Variants in TRPC4 observed in about 807,000 individuals in gnomAD.
The protein encoded by TRPC4 is transient receptor potential cation channel subfamily C member 4, also known as short transient receptor potential channel 4.
TRPC4 carries 49 observed loss-of-function variants against 99.4 expected under a neutral mutation model. The observed-to-expected ratio is 0.49, with a 90% CI of 0.39 to 0.63. The LOEUF (loss-of-function observed/expected upper bound fraction) is 0.63, where lower values mean the gene tolerates loss of function less well. Among genes scored for constraint, TRPC4 ranks in the 20% least tolerant of loss-of-function variants. The pLI is 0.00. For synonymous variants in TRPC4, 454 were observed against 425.9 expected (o/e 1.07, Z -0.81); for missense variants, 898 against 1,152.9 (o/e 0.78, Z 3.20).
rs1299307152 is a variant in TRPC4, at chr13:37,637,272, ATTT to A, written c.2562_2564del (p.Gln854_Asn855delinsHis). On this transcript the variant is annotated inframe_deletion, in exon 11 of 11. Coordinates refer to ENST00000379705, the MANE Select transcript of TRPC4 (RefSeq NM_016179.4). ...TTTGGTTTGCATTTTGCTCAGCAGC[ATTT>A]TGTTTTGATCGTCTATGAAATAACC... The A allele has an allele frequency of 6.8e-6, 11 of 1,613,774 alleles. No individual in the cohort carries two copies. The highest frequency in any genetic ancestry group is 9.3e-6 in the Non-Finnish European group (11 of 1,179,878).
At chr13:37,798,308 C>T (rs958550362) in intron 1 of TRPC4, among the ~76,000 whole-genome samples, 1 of 152,090 alleles carries the variant, frequency 6.6e-6, no homozygotes, top group Non-Finnish European at 1.5e-5. Flanking sequence ...TATTTCTCTG[C>T]TTCTTGATGA....
intron 4 of TRPC4, among the ~76,000 whole-genome samples, chr13:37,683,649 C>A (rs1265679253): frequency 6.6e-6 from 1 of 152,066 alleles, no homozygotes; most frequent in Non-Finnish European, 1.5e-5. Flanking sequence ...GCAGGACAAC[C>A]AACCAAGAAA....
At chr13:37,755,971 T>TA (rs1318094918) in intron 2 of TRPC4, among the ~76,000 whole-genome samples, 2 of 152,054 alleles carry the variant, frequency 1.3e-5, no homozygotes, top group Non-Finnish European at 1.5e-5. Flanking sequence ...AAGCAACACT[T>TA]AAAAAAACCC....
At chr13:37,830,570 G>C (rs889446315) in intron 1 of TRPC4, among the ~76,000 whole-genome samples, 2 of 151,380 alleles carry the variant, frequency 1.3e-5, no homozygotes, top group African/African-American at 4.8e-5. Context: ...AAATTAGCCT[G>C]GCATGGTGGT....
intron 1 of TRPC4, among the ~76,000 whole-genome samples, chr13:37,849,557 T>A (rs992016436): frequency 6.6e-6 from 1 of 152,202 alleles, no homozygotes; most frequent in African/African-American, 2.4e-5. Context: ...CCACTGAGTC[T>A]AGAATTTTAT....
intron 1 of TRPC4, among the ~76,000 whole-genome samples, chr13:37,854,618 AG>A (rs1443818325): frequency 6.6e-6 from 1 of 152,090 alleles, no homozygotes; most frequent in East Asian, 1.9e-4. Context: ...AATAAAGCTA[AG>A]TGTGGAGTTT....
At chr13:37,832,939 A>C (rs916694681) in intron 1 of TRPC4, among the ~76,000 whole-genome samples, 1 of 152,134 alleles carries the variant, frequency 6.6e-6, no homozygotes, top group African/African-American at 2.4e-5. Context: ...GTTTTTATTT[A>C]TCCTACTATG....
chr13:37,867,579 A>G (rs1475672039), intron 1 of TRPC4, among the ~76,000 whole-genome samples: 1 of 152,096 alleles, frequency 6.6e-6, no homozygotes, highest in Non-Finnish European at 1.5e-5. Context: ...TCAGATGTTT[A>G]TAACTTTGAA....
intron 1 of TRPC4, among the ~76,000 whole-genome samples, chr13:37,818,562 C>G (rs1376660254): frequency 2.6e-5 from 4 of 152,086 alleles, no homozygotes; most frequent in African/African-American, 9.7e-5. Flanking sequence ...AAATGCTCAT[C>G]AATGATAGAC....
In TRPC4 at chr13:37,746,277, T is replaced by A. The variant is rs1405268245; in HGVS notation, c.557A>T (p.Asp186Val). The change falls in exon 3 of 11, where the codon GAT becomes GTT. Residue 186 changes from aspartate to valine, a missense_variant. Coordinates refer to ENST00000379705, the MANE Select transcript of TRPC4 (RefSeq NM_016179.4). ...CNCVECVSSSDVDSLRHSRSR... is the reference protein window; with the variant it reads ...CNCVECVSSSVVDSLRHSRSR... Reference sequence around the variant, plus strand: ...GCGTGAGTGACGGAGGCTGTCCACATCTGAACTGGACACGCATTCCACACA... The same window carrying A: ...GCGTGAGTGACGGAGGCTGTCCACAACTGAACTGGACACGCATTCCACACA... The A allele has an allele frequency of 1.2e-6, 2 of 1,613,836 alleles. No homozygotes were observed. The highest frequency in any genetic ancestry group is 1.7e-6 in the Non-Finnish European group (2 of 1,179,870).
intron 8 of TRPC4, among the ~76,000 whole-genome samples, chr13:37,647,470 A>G (rs1232290376): frequency 3.3e-5 from 5 of 152,306 alleles, no homozygotes; most frequent in African/African-American, 1.2e-4. Context: ...GCTGAGAACA[A>G]TCAAAAGACA....
intron 1 of TRPC4, among the ~76,000 whole-genome samples, chr13:37,847,765 T>A (rs1593311771): frequency 6.6e-6 from 1 of 152,184 alleles, no homozygotes; most frequent in Middle Eastern, 3.4e-3. Flanking sequence ...TACTGTACGA[T>A]CTCATTTATA....
At position 37,636,716 on chromosome 13, in the gene TRPC4, A is replaced by G; in HGVS notation, c.*187T>C. The G allele has an allele frequency of 1.6e-6, 1 of 625,730 alleles. No homozygotes were observed. The highest frequency in any genetic ancestry group is 2.4e-6 in the Non-Finnish European group (1 of 413,344). The allele number at this position is 625,730 out of a possible 1,614,324, so 38.8% of individuals were successfully genotyped here. On this transcript the variant is annotated 3_prime_UTR_variant, in exon 11 of 11. Coordinates refer to ENST00000379705, the MANE Select transcript of TRPC4 (RefSeq NM_016179.4). Reference sequence around the variant, plus strand: ...TAAGACAAATTGTGAAAGCAAAAGCAGGCTACAAAACAAAAAGGTTTTTGA... The same window carrying G: ...TAAGACAAATTGTGAAAGCAAAAGCGGGCTACAAAACAAAAAGGTTTTTGA...
rs10528143 is a variant in TRPC4, at chr13:37,752,075, CTATATA to C, written c.379-5626_379-5621del. On this transcript the variant is annotated intron_variant, in intron 2 of 10. Coordinates refer to ENST00000379705, the MANE Select transcript of TRPC4 (RefSeq NM_016179.4). ...TACCAAAACCTGATAAAGCAGAAAA[CTATATA>C]TATATATATATATATGACTGGTAGA... Among the ~76,000 whole-genome samples the C allele has an allele frequency of 1.5e-3, 108 of 73,954 alleles. 22 individuals are homozygous for C. The highest frequency in any genetic ancestry group is 4.4e-3 in the African/African-American group (77 of 17,604). The allele number at this position is 73,954 out of a possible 152,430, so 48.5% of individuals were successfully genotyped here.
At chr13:37,748,113 A>C (rs1955835665) in intron 2 of TRPC4, among the ~76,000 whole-genome samples, 2 of 152,094 alleles carry the variant, frequency 1.3e-5, no homozygotes, top group South Asian at 4.1e-4. Context: ...TTTACAACTT[A>C]TGTATTATTT....
chr13:37,868,671 G>A (rs1313970947), intron 1 of TRPC4, among the ~76,000 whole-genome samples: 1 of 150,776 alleles, frequency 6.6e-6, no homozygotes, highest in African/African-American at 2.4e-5. Flanking sequence ...GCTTCCTTCT[G>A]TCTCTTCCTA....
rs546731265 is a variant in TRPC4 at position 37,848,982 on chromosome 13, C to A, written c.-28+20613G>T. Among the ~76,000 whole-genome samples, 81 of 152,172 alleles carry A rather than the reference C, an allele frequency of 5.3e-4. 1 individual carries two copies. Among genetic ancestry groups the A allele is most frequent in the Middle Eastern group, 3.4e-3 (1 of 294 alleles). On this transcript the variant is annotated intron_variant, in intron 1 of 10. Transcript: ENST00000379705. ...TATGCCTAAAGTCCTGCAGATGGTACCCTACAGCTGTTAAGCAGGCTTGAT... is the reference window on the plus strand; with the variant it reads ...TATGCCTAAAGTCCTGCAGATGGTAACCTACAGCTGTTAAGCAGGCTTGAT...
At chr13:37,745,458 A>ATATATATGCG (rs1555265726) in intron 3 of TRPC4, among the ~76,000 whole-genome samples, 2 of 6,584 alleles carry the variant, frequency 3.0e-4, no homozygotes, top group Non-Finnish European at 4.3e-4. Flanking sequence ...ATATATATAT[A>ATATATATGCG]TATATATATA....
intron 1 of TRPC4, among the ~76,000 whole-genome samples, chr13:37,828,723 A>G (rs1023392830): frequency 2.0e-5 from 3 of 152,236 alleles, no homozygotes; most frequent in Non-Finnish European, 4.4e-5. Flanking sequence ...TAAGCAAACT[A>G]ACACAGGAAC....
Sources: allele counts gnomAD v4.1 joint callset (sites outside exome capture counted in the v4.1 genomes callset), GRCh38; gene constraint gnomAD v4.1.1; transcripts MANE v1.5; gene names NCBI Gene and HGNC (gene_info 2026-07-23, HGNC 2026-07-21).